ARNT: variants seen among roughly 807,000 people sequenced by gnomAD.
ARNT encodes the protein aryl hydrocarbon receptor nuclear translocator, also known as class E basic helix-loop-helix protein 2.
A neutral mutation model predicts 105.0 loss-of-function variants in ARNT; 30 were observed. The observed-to-expected ratio is 0.29, with a 90% CI of 0.21 to 0.39. The LOEUF is 0.39. ARNT is among the 10% of genes least tolerant of loss of function. ARNT has a pLI of 1.00. For synonymous variants in ARNT, 304 were observed against 344.0 expected, an observed-to-expected ratio of 0.88 and a Z score of 1.29; for missense variants, 748 against 978.7, an observed-to-expected ratio of 0.76 and a Z score of 3.15.
chr1:150,848,833 G>A (rs1250319379), intron 3 of ARNT, among the ~76,000 whole-genome samples: 1 of 152,066 alleles, frequency 6.6e-6, no homozygotes, highest in Non-Finnish European at 1.5e-5. Flanking sequence ...GGCCCAGCCT[G>A]AAATTTCTGT....
At chr1:150,856,519 T>C (rs1664643899) in intron 2 of ARNT, among the ~76,000 whole-genome samples, 2 of 152,090 alleles carry the variant, frequency 1.3e-5, no homozygotes, top group Admixed American at 1.3e-4. Flanking sequence ...TCCCAGCACT[T>C]TGGGAGGCCA....
At chr1:150,828,338 GGTTT>G (rs1203142233) in intron 12 of ARNT, among the ~76,000 whole-genome samples, 1 of 104,944 alleles carries the variant, frequency 9.5e-6, no homozygotes, top group Non-Finnish European at 1.9e-5. Flanking sequence ...TTTTGGGTGT[GGTTT>G]TTTTTTTGTT....
intron 21 of ARNT, 104 bp downstream of exon 21, chr1:150,813,068 C>T (rs1655065614): frequency 7.5e-7 from 1 of 1,333,960 alleles, no homozygotes; most frequent in African/African-American, 1.5e-5. Flanking sequence ...CATATACCCC[C>T]AACCAAACAC....
At position 150,836,305 on chromosome 1, in the gene ARNT, A is replaced by T. The variant is rs764081227; in HGVS notation, c.675T>A (p.Leu225=). ...CTGTCAGGGCATTTTCTGAAGTGGA[A>T]AGCTGCTCACGAAGTTTATCCACAT... The part of the protein sequence containing the change: ...PDDVDKLREQ[L]STSENALTGR... Residue 225 remains leucine (L), a synonymous_variant, in exon 7 of 22, where the codon CTT becomes CTA. Transcript: ENST00000358595. 2.5e-6 allele frequency: 4 copies of T among 1,614,142 alleles called. No homozygotes were observed. In the South Asian group the frequency reaches 4.4e-5, roughly 18 times the overall value.
At chr1:150,837,556 C>T (rs1660547672) in intron 6 of ARNT, among the ~76,000 whole-genome samples, 2 of 152,122 alleles carry the variant, frequency 1.3e-5, no homozygotes, top group Admixed American at 6.6e-5. Flanking sequence ...TTCTATGAGA[C>T]TGTACTCCAA....
rs760635188 is a variant in ARNT, at chr1:150,816,378, T to C, written c.1831A>G (p.Ile611Val). The C allele has an allele frequency of 1.2e-6, 2 of 1,607,210 alleles. No individual in the cohort carries two copies. The highest frequency in any genetic ancestry group is 1.7e-6 in the Non-Finnish European group (2 of 1,178,156). Reference sequence around the variant, plus strand: ...CCTGCAGAAGCTGATGGCTGGACAATGGTTACAGGAGGGGCTAGGCCACTA... The same window carrying C: ...CCTGCAGAAGCTGATGGCTGGACAACGGTTACAGGAGGGGCTAGGCCACTA... The part of the protein sequence containing the change: ...RNSGLAPPVT[I>V]VQPSASAGQM... Residue 611 changes from isoleucine (I) to valine (V), a missense_variant, in exon 19 of 22, where the codon ATT becomes GTT. By Grantham distance (29) the Ile-to-Val change is conservative. Around this residue, in one of 4 missense-constraint regions of ARNT, gnomAD observed 360 missense variants for 411.9 expected, o/e 0.87. Coordinates refer to ENST00000358595, the MANE Select transcript of ARNT (RefSeq NM_001668.4).
In ARNT at chr1:150,850,330, G is replaced by A. The variant is rs587719582; in HGVS notation, c.182+2432C>T. 2.6e-4 allele frequency among the ~76,000 whole-genome samples: 39 copies of A among 152,202 alleles called. No individual in the cohort carries two copies. In the South Asian group the frequency reaches 7.5e-3, roughly 29 times the overall value. On this transcript the variant is annotated intron_variant, in intron 3 of 21. Coordinates refer to ENST00000358595, the MANE Select transcript of ARNT (RefSeq NM_001668.4). Reference sequence around the variant, plus strand: ...CTTTCCACGGTCTCCCTCTGATGCCGAGCCGAAGCTGGACTGTACTGCTGC... The same window carrying A: ...CTTTCCACGGTCTCCCTCTGATGCCAAGCCGAAGCTGGACTGTACTGCTGC...
intron 14 of ARNT, among the ~76,000 whole-genome samples, chr1:150,822,651 A>C (rs752255096): frequency 4.1e-4 from 63 of 152,226 alleles, no homozygotes; most frequent in Middle Eastern, 3.4e-3. Context: ...AATATCCTTT[A>C]TAATAAACTG....
At chr1:150,840,429 A>G (rs2101964765) in intron 5 of ARNT, among the ~76,000 whole-genome samples, 1 of 152,360 alleles carries the variant, frequency 6.6e-6, no homozygotes, top group East Asian at 1.9e-4. Flanking sequence ...GTGGCTCCAT[A>G]GCTGATACAA....
chr1:150,836,328 C>T lies in ARNT; in HGVS notation c.652G>A (p.Val218Met), dbSNP rs1445589677. The change falls in exon 7 of 22, where the codon GTG becomes ATG. Residue 218 changes from valine (V) to methionine (M), a missense_variant. Physicochemically the swap from Val to Met is conservative, Grantham distance 21 (BLOSUM62 1). This residue lies in a region of ARNT where 291 missense variants were observed against 444.6 expected (regional missense o/e 0.65). Transcript: ENST00000358595. ...TLYDQVHPDD[V>M]DKLREQLSTS... ...GAAAGCTGCTCACGAAGTTTATCCA[C>T]ATCATCTGGGTGCACCTGATCATAG... is the stretch of plus-strand genomic sequence containing the variant. 6.2e-7 allele frequency: 1 copy of T among 1,614,042 alleles called. No individual in the cohort carries two copies. The highest frequency in any genetic ancestry group is 8.5e-7 in the Non-Finnish European group (1 of 1,180,042).
intron 1 of ARNT, among the ~76,000 whole-genome samples, chr1:150,861,556 G>A (rs150104616): frequency 1.5e-4 from 23 of 152,282 alleles, no homozygotes; most frequent in Admixed American, 5.2e-4. Flanking sequence ...ACACCTGTAA[G>A]GCTAGCACTT....
intron 1 of ARNT, among the ~76,000 whole-genome samples, chr1:150,864,776 A>T (rs1286769662): frequency 6.8e-6 from 1 of 147,084 alleles, no homozygotes; most frequent in Non-Finnish European, 1.5e-5. Flanking sequence ...AAATAAATAA[A>T]TAAATAAATA....
intron 7 of ARNT, among the ~76,000 whole-genome samples, chr1:150,835,814 GTACAGA>G (rs10305697): frequency 0.34 from 51,753 of 151,186 alleles, 9,113 homozygotes; most frequent in South Asian, 0.53. Context: ...AAGAACAACA[GTACAGA>G]TACAAACAAC....
chr1:150,830,726 T>G (rs1457047825), intron 10 of ARNT, among the ~76,000 whole-genome samples: 1 of 152,176 alleles, frequency 6.6e-6, no homozygotes, highest in Non-Finnish European at 1.5e-5. Flanking sequence ...TCATGTCCCT[T>G]GGAAAAGAGA....
chr1:150,820,275 G>A (rs1656776450), intron 14 of ARNT, among the ~76,000 whole-genome samples: 1 of 152,236 alleles, frequency 6.6e-6, no homozygotes, highest in Non-Finnish European at 1.5e-5. Flanking sequence ...ATAAACTGGT[G>A]TACAAAACAT....
At chr1:150,819,621 G>C (rs1231619672) in intron 14 of ARNT, among the ~76,000 whole-genome samples, 1 of 152,148 alleles carries the variant, frequency 6.6e-6, no homozygotes, top group African/African-American at 2.4e-5. Context: ...ACATGTATCA[G>C]TACAGATAAC....
intron 19 of ARNT, 76 bp downstream of exon 19, chr1:150,816,183 A>T: frequency 6.6e-7 from 1 of 1,511,344 alleles, no homozygotes. Flanking sequence ...AATAGAAAAC[A>T]CTGATTTTAC....
At chr1:150,846,592 A>C (rs1662255253) in intron 3 of ARNT, among the ~76,000 whole-genome samples, 1 of 152,180 alleles carries the variant, frequency 6.6e-6, no homozygotes, top group African/African-American at 2.4e-5. Context: ...TTCTAAAGTA[A>C]GGGGTTAGTT....
chr1:150,842,968 T>C (rs1413049875), intron 4 of ARNT, among the ~76,000 whole-genome samples: 6 of 152,138 alleles, frequency 3.9e-5, no homozygotes. Context: ...AAGATGATAC[T>C]ATCAAACAAG....
Sources: gnomAD v4.1 joint callset for allele counts (sites outside exome capture counted in the v4.1 genomes callset) on GRCh38, gnomAD v4.1.1 for gene constraint, gnomAD v4.1.1 regional missense constraint, MANE v1.5 for transcripts, NCBI Gene and HGNC (gene_info 2026-07-23, HGNC 2026-07-21) for gene names.